TNFAIP8: variants seen among roughly 807,000 people sequenced by gnomAD.
TNFAIP8 encodes the protein tumor necrosis factor alpha-induced protein 8.
A neutral mutation model predicts 13.3 loss-of-function variants in TNFAIP8; 7 were observed. The ratio of observed to expected loss-of-function variants is 0.52; its 90% CI spans 0.30 to 0.99. TNFAIP8 has a LOEUF of 0.99. Among genes scored for constraint, TNFAIP8 ranks in the 50% least tolerant of loss-of-function variants. The pLI, the probability that TNFAIP8 is intolerant of heterozygous loss-of-function variation, is 0.07. For missense variants in TNFAIP8, 258 were observed against 236.9 expected, an observed-to-expected ratio of 1.09 and a Z score of -0.58; for synonymous variants, 94 against 87.6, an observed-to-expected ratio of 1.07 and a Z score of -0.41.
intron 1 of TNFAIP8, among the ~76,000 whole-genome samples, chr5:119,315,730 A>G (rs1402758314): frequency 6.6e-6 from 1 of 152,116 alleles, no homozygotes; most frequent in Non-Finnish European, 1.5e-5. Context: ...ACAGGAATCA[A>G]GCTTTGCTGT....
chr5:119,287,575 G>C (rs1459747882), intron 1 of TNFAIP8, among the ~76,000 whole-genome samples: 1 of 152,038 alleles, frequency 6.6e-6, no homozygotes, highest in Non-Finnish European at 1.5e-5. Flanking sequence ...ATAACTGAAG[G>C]TTTGTATCAA....
At chr5:119,272,783 G>A (rs749923681) in intron 1 of TNFAIP8, among the ~76,000 whole-genome samples, 1 of 152,206 alleles carries the variant, frequency 6.6e-6, no homozygotes, top group African/African-American at 2.4e-5. Flanking sequence ...AAAGCTGGGT[G>A]TGTGCCAAAA....
chr5:119,360,152 A>G (rs1020612026), intron 1 of TNFAIP8, among the ~76,000 whole-genome samples: 1 of 152,216 alleles, frequency 6.6e-6, no homozygotes, highest in African/African-American at 2.4e-5. Context: ...GCCATTGAAC[A>G]GTCAGGATTA....
intron 1 of TNFAIP8, among the ~76,000 whole-genome samples, chr5:119,374,777 C>T (rs529657202): frequency 6.6e-6 from 1 of 152,302 alleles, no homozygotes; most frequent in African/African-American, 2.4e-5. Context: ...CCCTGTGTTT[C>T]CCACTCTCCT....
At chr5:119,335,429 G>A (rs1159004837) in intron 1 of TNFAIP8, among the ~76,000 whole-genome samples, 13 of 152,098 alleles carry the variant, frequency 8.5e-5, no homozygotes, top group Non-Finnish European at 2.9e-5. Flanking sequence ...GAGCGAGCAG[G>A]AAGCAGTGCT....
chr5:119,393,383 C>A lies in TNFAIP8; in HGVS notation c.*2C>A, dbSNP rs1303288198. ...ATGTTGGATGAAGAGAACATATGAGCACATGAGTTAAGATTGTGACTGATC... is the reference window on the plus strand; with the variant it reads ...ATGTTGGATGAAGAGAACATATGAGAACATGAGTTAAGATTGTGACTGATC... On this transcript the variant is annotated 3_prime_UTR_variant, in exon 2 of 2. Transcript: ENST00000504771. 1.2e-6 allele frequency: 2 copies of A among 1,608,834 alleles called. No homozygotes were observed. The highest frequency in any genetic ancestry group is 1.7e-6 in the Non-Finnish European group (2 of 1,176,644).
intron 1 of TNFAIP8, among the ~76,000 whole-genome samples, chr5:119,271,830 A>G (rs1018698152): frequency 2.0e-5 from 3 of 152,136 alleles, no homozygotes; most frequent in African/African-American, 7.2e-5. Flanking sequence ...CCTGCATTTA[A>G]TACCAAATGC....
chr5:119,348,614 C>T (rs1750995367), intron 1 of TNFAIP8, among the ~76,000 whole-genome samples: 1 of 152,132 alleles, frequency 6.6e-6, no homozygotes. Context: ...GGCACGGAGT[C>T]TCACGCTTGT....
intron 1 of TNFAIP8, among the ~76,000 whole-genome samples, chr5:119,296,099 C>T (rs1271304280): frequency 6.7e-6 from 1 of 148,814 alleles, no homozygotes; most frequent in Admixed American, 6.7e-5. Context: ...TCCTCTTTTC[C>T]TAATTGAATA....
At chr5:119,344,913 G>A (rs966777295) in intron 1 of TNFAIP8, among the ~76,000 whole-genome samples, 4 of 152,094 alleles carry the variant, frequency 2.6e-5, no homozygotes, top group African/African-American at 9.7e-5. Context: ...TAGATAGGGC[G>A]AGCCTAAGGA....
intron 1 of TNFAIP8, among the ~76,000 whole-genome samples, chr5:119,363,413 A>C (rs13155880): frequency 0.38 from 57,085 of 152,008 alleles, 11,118 homozygotes; most frequent in South Asian, 0.53. Flanking sequence ...GCCTCCTGAG[A>C]AGCTGGCCGT....
chr5:119,378,946 C>G (rs1752383837), intron 1 of TNFAIP8, among the ~76,000 whole-genome samples: 1 of 152,128 alleles, frequency 6.6e-6, no homozygotes, highest in Non-Finnish European at 1.5e-5. Flanking sequence ...CGCCTGTAAT[C>G]CTAGCTACTC....
At chr5:119,350,203 T>C (rs1751069517) in intron 1 of TNFAIP8, among the ~76,000 whole-genome samples, 1 of 152,178 alleles carries the variant, frequency 6.6e-6, no homozygotes, top group African/African-American at 2.4e-5. Flanking sequence ...AGATCAATAA[T>C]ATTCTGAGGG....
intron 1 of TNFAIP8, among the ~76,000 whole-genome samples, chr5:119,276,064 G>A (rs1373075816): frequency 6.6e-6 from 1 of 151,872 alleles, no homozygotes; most frequent in Non-Finnish European, 1.5e-5. Flanking sequence ...AGCCCAACAA[G>A]CATATCCACA....
At chr5:119,272,806 T>G (rs1350748138) in intron 1 of TNFAIP8, among the ~76,000 whole-genome samples, 4 of 152,328 alleles carry the variant, frequency 2.6e-5, no homozygotes, top group African/African-American at 7.2e-5. Context: ...GTTGTTTTCC[T>G]AGGCTTGCCC....
Position 119,359,071 on chromosome 5 carries a change from G to C in TNFAIP8, c.31+2950G>C, listed in dbSNP as rs145786049. Among the ~76,000 whole-genome samples, 133 of 152,246 alleles carry C rather than the reference G, an allele frequency of 8.7e-4. 1 individual carries two copies. Among genetic ancestry groups the C allele is most frequent in the African/African-American group, 3.1e-3 (129 of 41,542 alleles). On this transcript the variant is annotated intron_variant, in intron 1 of 1. Coordinates refer to ENST00000504771, the MANE Select transcript of TNFAIP8 (RefSeq NM_014350.4). ...TCCCTCAACGTCCTGTTCCCAGACT[G>C]ACAGACTCATCTCCGTCCACATCTA... is the stretch of plus-strand genomic sequence containing the variant.
upstream of TNFAIP8, chr5:119,355,322 T>C (rs1263326776): frequency 1.4e-6 from 1 of 702,224 alleles, no homozygotes; most frequent in Non-Finnish European, 2.6e-6. Context: ...CGGGCTGTGC[T>C]TGGAGTACCA....
intron 1 of TNFAIP8, among the ~76,000 whole-genome samples, chr5:119,289,083 T>C (rs1429449801): frequency 6.6e-6 from 1 of 152,258 alleles, no homozygotes; most frequent in Non-Finnish European, 1.5e-5. Flanking sequence ...GAGTCATTAA[T>C]ACAAATGTTG....
At chr5:119,381,394 A>C (rs981524619) in intron 1 of TNFAIP8, among the ~76,000 whole-genome samples, 2 of 151,884 alleles carry the variant, frequency 1.3e-5, no homozygotes, top group African/African-American at 4.8e-5. Flanking sequence ...AAATACAGAA[A>C]ATTAGCCAAG....
Sources: allele counts gnomAD v4.1 joint callset (sites outside exome capture counted in the v4.1 genomes callset), GRCh38; gene constraint gnomAD v4.1.1; transcripts MANE v1.5; gene names NCBI Gene and HGNC (gene_info 2026-07-23, HGNC 2026-07-21).